DIAPH3: variants seen among roughly 807,000 people sequenced by gnomAD.
The protein encoded by DIAPH3 is protein diaphanous homolog 3.
DIAPH3 carries 117 observed loss-of-function variants against 144.3 expected under a neutral mutation model. The observed-to-expected ratio is 0.81, with a 90% CI of 0.70 to 0.95. The LOEUF (loss-of-function observed/expected upper bound fraction) is 0.95, where lower values mean the gene tolerates loss of function less well. Ranked by LOEUF, DIAPH3 falls within the 40% of genes least tolerant of loss-of-function variation. The pLI, the probability that DIAPH3 is intolerant of heterozygous loss-of-function variation, is 0.00. For synonymous variants in DIAPH3, 519 were observed against 488.9 expected (o/e 1.06, Z -0.81); for missense variants, 1,421 against 1,412.7 (o/e 1.01, Z -0.09).
intron 4 of DIAPH3, among the ~76,000 whole-genome samples, chr13:60,059,258 G>C (rs2056676755): frequency 6.6e-6 from 1 of 151,832 alleles, no homozygotes; most frequent in African/African-American, 2.4e-5. Flanking sequence ...TGAAACATTT[G>C]AGTTTATGGG....
intron 25 of DIAPH3, among the ~76,000 whole-genome samples, chr13:59,775,458 G>A (rs140394294): frequency 4.5e-4 from 69 of 152,166 alleles, no homozygotes; most frequent in African/African-American, 1.4e-3. Context: ...TAGCCAGAAC[G>A]GTCTCCATCT....
At chr13:60,125,229 T>C (rs1209545279) in intron 2 of DIAPH3, among the ~76,000 whole-genome samples, 1 of 152,078 alleles carries the variant, frequency 6.6e-6, no homozygotes, top group Non-Finnish European at 1.5e-5. Flanking sequence ...GTTTTGTTTT[T>C]TTAAGACAAG....
chr13:59,975,981 C>A (rs950378571), intron 14 of DIAPH3, among the ~76,000 whole-genome samples: 19 of 152,042 alleles, frequency 1.2e-4, no homozygotes, highest in Non-Finnish European at 2.6e-4. Context: ...GAGGTCCGCC[C>A]ACCTTCTCCT....
intron 4 of DIAPH3, among the ~76,000 whole-genome samples, chr13:60,059,681 G>C (rs2056691146): frequency 2.0e-5 from 3 of 151,832 alleles, no homozygotes; most frequent in African/African-American, 7.3e-5. Flanking sequence ...TTTAAAGGCA[G>C]CTCAAAGTTG....
chr13:60,042,870 C>G, intron 4 of DIAPH3, 50 bp from the exon 5 acceptor site: 4 of 1,598,648 alleles, frequency 2.5e-6, no homozygotes, highest in Non-Finnish European at 3.4e-6. Flanking sequence ...TGGAGATTAC[C>G]CATTAAAAAA....
At chr13:59,970,708 T>C in intron 16 of DIAPH3, 144 bp downstream of exon 16, 1 of 730,530 alleles carries the variant, frequency 1.4e-6, no homozygotes, top group Non-Finnish European at 2.0e-6. Flanking sequence ...TTATTGTCAC[T>C]TTGATTAGTG....
chr13:59,756,497 GCAGGCAGGCAGGCAGGTAGT>G (rs2037279186), intron 27 of DIAPH3, among the ~76,000 whole-genome samples: 1 of 142,934 alleles, frequency 7.0e-6, no homozygotes, highest in Non-Finnish European at 1.5e-5. Context: ...GGGAAGGAAG[GCAGGCAGGCAGGCAGGTAGT>G]CAGGCAGGCA....
chr13:59,879,341 T>C lies in DIAPH3; in HGVS notation c.2495A>G (p.Lys832Arg), dbSNP rs2044846437. 2.5e-6 allele frequency: 4 copies of C among 1,613,910 alleles called. No individual in the cohort carries two copies. In the South Asian group the frequency reaches 4.4e-5, roughly 18 times the overall value. ...CAGCAACTTGCTAAAGCTTTTGCTC[T>C]TCTTTATCTCTTCGCAGGCAGTACT... ...AVSTACEEIK[K>R]SKSFSKLLEL... The change falls in exon 21 of 28, where the codon AAG becomes AGG. Residue 832 changes from lysine to arginine, a missense_variant. Physicochemically the swap from Lys to Arg is conservative, Grantham distance 26 (BLOSUM62 2). Transcript: ENST00000400324.
At chr13:60,112,673 A>G (rs1015469307) in intron 2 of DIAPH3, among the ~76,000 whole-genome samples, 6 of 152,128 alleles carry the variant, frequency 3.9e-5, no homozygotes, top group Non-Finnish European at 8.8e-5. Context: ...TTCTACTTAT[A>G]TCTTCATAGC....
intron 17 of DIAPH3, among the ~76,000 whole-genome samples, chr13:59,937,752 T>C (rs1255328350): frequency 6.6e-6 from 1 of 152,200 alleles, no homozygotes; most frequent in Non-Finnish European, 1.5e-5. Flanking sequence ...AACTTACTTC[T>C]ATATTTGATG....
At chr13:59,771,743 C>T (rs1322217534) in intron 27 of DIAPH3, among the ~76,000 whole-genome samples, 2 of 152,020 alleles carry the variant, frequency 1.3e-5, no homozygotes, top group Non-Finnish European at 2.9e-5. Context: ...AGTTATCAGA[C>T]CTCTTTAATA....
intron 22 of DIAPH3, among the ~76,000 whole-genome samples, chr13:59,855,585 C>T (rs913633776): frequency 1.3e-5 from 2 of 151,752 alleles, no homozygotes; most frequent in Admixed American, 6.6e-5. Flanking sequence ...TAGATGACTG[C>T]AGATAGTCAA....
Position 59,952,731 on chromosome 13 carries a change from C to G in DIAPH3, c.2074+17213G>C, listed in dbSNP as rs189137824. Among the ~76,000 whole-genome samples, 6 of 152,266 alleles carry G rather than the reference C, an allele frequency of 3.9e-5. No homozygotes were observed. The East Asian group carries it at 5.8e-4, about 15-fold the overall frequency. On this transcript the variant is annotated intron_variant, in intron 17 of 27. Coordinates refer to ENST00000400324, the MANE Select transcript of DIAPH3 (RefSeq NM_001042517.2). ...AGGCAGAGTTAATTGGAATCTAGAT[C>G]ATTTAAATATTTCTACTCCCCTTCC...
chr13:60,040,934 C>A (rs187149090), intron 5 of DIAPH3, among the ~76,000 whole-genome samples: 29 of 152,268 alleles, frequency 1.9e-4, no homozygotes, highest in Admixed American at 1.8e-3. Flanking sequence ...CTGCCTCAGC[C>A]TCCTGAATAG....
chr13:59,881,450 T>C (rs1307276977), intron 20 of DIAPH3, among the ~76,000 whole-genome samples: 1 of 152,144 alleles, frequency 6.6e-6, no homozygotes, highest in African/African-American at 2.4e-5. Context: ...CAGTATTCTA[T>C]GCAAAACATT....
At chr13:59,791,118 C>A (rs545008640) in intron 25 of DIAPH3, among the ~76,000 whole-genome samples, 2 of 152,038 alleles carry the variant, frequency 1.3e-5, no homozygotes, top group African/African-American at 2.4e-5. Context: ...TGAGACTATA[C>A]CATGCCCAAG....
intron 27 of DIAPH3, among the ~76,000 whole-genome samples, chr13:59,675,685 G>A (rs190915302): frequency 2.0e-5 from 3 of 152,310 alleles, no homozygotes; most frequent in Admixed American, 1.3e-4. Context: ...GTATCAACAA[G>A]CCCATTTTGT....
intron 2 of DIAPH3, among the ~76,000 whole-genome samples, chr13:60,130,498 A>G (rs754070161): frequency 6.6e-6 from 1 of 152,182 alleles, no homozygotes; most frequent in Non-Finnish European, 1.5e-5. Context: ...AAGCGGTCAG[A>G]AAGACTGACA....
chr13:59,889,908 C>T (rs184570707), intron 20 of DIAPH3, among the ~76,000 whole-genome samples: 13 of 152,246 alleles, frequency 8.5e-5, no homozygotes, highest in African/African-American at 2.4e-4. Flanking sequence ...TTCATCAAGA[C>T]GTGCTATAGG....
Sources: gnomAD v4.1 joint callset for allele counts (sites outside exome capture counted in the v4.1 genomes callset) on GRCh38, gnomAD v4.1.1 for gene constraint, MANE v1.5 for transcripts, NCBI Gene and HGNC (gene_info 2026-07-23, HGNC 2026-07-21) for gene names.